The following ZNF385D variants were observed in gnomAD, a reference collection of about 807,000 sequenced individuals.
The protein encoded by ZNF385D is zinc finger protein 385D, also known as zinc finger protein 659.
Under a neutral mutation model 35.8 loss-of-function variants are expected in ZNF385D, and 15 were observed. The ratio of observed to expected loss-of-function variants is 0.42; its 90% CI spans 0.28 to 0.64. The LOEUF is 0.64. Among genes scored for constraint, ZNF385D ranks in the 30% least tolerant of loss-of-function variants. The pLI, the probability that ZNF385D is intolerant of heterozygous loss-of-function variation, is 0.23. For synonymous variants in ZNF385D, 212 were observed against 186.8 expected, an observed-to-expected ratio of 1.13 and a Z score of -1.10; for missense variants, 474 against 494.6, an observed-to-expected ratio of 0.96 and a Z score of 0.39.
chr3:22,328,455 C>A (rs1351865482), intron 2 of ZNF385D, among the ~76,000 whole-genome samples: 1 of 152,118 alleles, frequency 6.6e-6, no homozygotes, highest in Non-Finnish European at 1.5e-5. Flanking sequence ...TTTTACCTAA[C>A]TTTACATATT....
At chr3:21,743,999 A>T (rs536632376) in intron 1 of ZNF385D, among the ~76,000 whole-genome samples, 1 of 152,296 alleles carries the variant, frequency 6.6e-6, no homozygotes, top group East Asian at 1.9e-4. Flanking sequence ...TTCAAGTATT[A>T]CTGTTACAAA....
intron 1 of ZNF385D, among the ~76,000 whole-genome samples, chr3:21,748,166 A>G (rs1051219463): frequency 6.6e-6 from 1 of 152,334 alleles, no homozygotes; most frequent in South Asian, 2.1e-4. Flanking sequence ...TAAAATCTCA[A>G]TAGGAGATAA....
intron 3 of ZNF385D, among the ~76,000 whole-genome samples, chr3:22,111,152 ATTTTTTTTTTTTTT>A (rs61708178): frequency 1.4e-5 from 1 of 68,974 alleles, no homozygotes; most frequent in Admixed American, 1.8e-4. Context: ...TCCATGTTGG[ATTTTTTTTTTTTTT>A]TTTTTTTTTT....
chr3:22,332,333 T>A (rs1381940743), intron 2 of ZNF385D, among the ~76,000 whole-genome samples: 1 of 152,192 alleles, frequency 6.6e-6, no homozygotes, highest in East Asian at 1.9e-4. Flanking sequence ...TTCACCCAGA[T>A]GGCCTCAAAG....
At chr3:22,118,170 G>C (rs551012186) in intron 3 of ZNF385D, among the ~76,000 whole-genome samples, 25 of 152,128 alleles carry the variant, frequency 1.6e-4, no homozygotes, top group Admixed American at 9.2e-4. Flanking sequence ...ATAGAATTGT[G>C]AACTATGGAA....
At chr3:22,258,557 A>C (rs1367253677) in intron 2 of ZNF385D, among the ~76,000 whole-genome samples, 2 of 151,632 alleles carry the variant, frequency 1.3e-5, no homozygotes, top group Non-Finnish European at 3.0e-5. Flanking sequence ...AACTTGTAAT[A>C]GTCTCCCAAA....
At chr3:21,632,974 T>G (rs1302882104) in intron 2 of ZNF385D, among the ~76,000 whole-genome samples, 2 of 152,138 alleles carry the variant, frequency 1.3e-5, no homozygotes, top group Non-Finnish European at 2.9e-5. Context: ...ATCCATTTAC[T>G]CTAATACATT....
At chr3:21,672,805 C>T (rs541336958) in intron 1 of ZNF385D, among the ~76,000 whole-genome samples, 19 of 152,196 alleles carry the variant, frequency 1.2e-4, no homozygotes, top group Admixed American at 4.6e-4. Context: ...TGATAATTAT[C>T]CAGTTGCCAA....
rs1700541232 is a variant in ZNF385D at position 21,414,924 on chromosome 3, C to T, written c.*6290G>A. ...ATCTCTACTAATGTTAGCATAACAT[C>T]ATAAGAGACATAAAGCATCTCACGA... is the stretch of plus-strand genomic sequence containing the variant. On this transcript the variant is annotated 3_prime_UTR_variant, in exon 8 of 8. Transcript: ENST00000281523. 1.3e-5 allele frequency: 2 copies of T among 152,024 alleles called. No homozygotes were observed. The highest frequency in any genetic ancestry group is 6.6e-5 in the Admixed American group (1 of 15,256). The allele number at this position is 152,024 out of a possible 1,614,324, so 9.4% of individuals were successfully genotyped here. A position where few individuals can be genotyped will look rare whatever the true frequency, so the allele number is the denominator to read the frequency against.
chr3:22,062,393 A>T (rs1028278609), intron 3 of ZNF385D, among the ~76,000 whole-genome samples: 18 of 152,128 alleles, frequency 1.2e-4, no homozygotes, highest in Admixed American at 3.9e-4. Context: ...TTCTAAGTGG[A>T]AGAATTAACA....
intron 2 of ZNF385D, among the ~76,000 whole-genome samples, chr3:22,291,733 C>G (rs545292422): frequency 3.9e-5 from 6 of 151,922 alleles, no homozygotes; most frequent in African/African-American, 1.4e-4. Flanking sequence ...ACTAGAGATA[C>G]CATAATGTGA....
chr3:21,946,441 A>G (rs1701788348), intron 3 of ZNF385D, among the ~76,000 whole-genome samples: 1 of 145,836 alleles, frequency 6.9e-6, no homozygotes, highest in Admixed American at 7.4e-5. Context: ...TTTTAAAGAT[A>G]AAAAGTTTTT....
chr3:22,119,297 T>C (rs1211263944), intron 3 of ZNF385D, among the ~76,000 whole-genome samples: 1 of 152,142 alleles, frequency 6.6e-6, no homozygotes, highest in Non-Finnish European at 1.5e-5. Flanking sequence ...AAATGTTAAA[T>C]AAAAATACAA....
chr3:21,911,388 C>T (rs1021955060), intron 3 of ZNF385D, among the ~76,000 whole-genome samples: 2 of 151,802 alleles, frequency 1.3e-5, no homozygotes, highest in Admixed American at 6.6e-5. Context: ...ACAATATGCC[C>T]ACTGTGACAA....
chr3:21,903,920 T>G (rs1699541320), intron 3 of ZNF385D, among the ~76,000 whole-genome samples: 1 of 152,140 alleles, frequency 6.6e-6, no homozygotes, highest in African/African-American at 2.4e-5. Context: ...CTGGAATTTG[T>G]TTTTTTCTTT....
At chr3:21,774,501 G>A (rs925277985) in intron 3 of ZNF385D, among the ~76,000 whole-genome samples, 7 of 151,876 alleles carry the variant, frequency 4.6e-5, no homozygotes, top group African/African-American at 1.7e-4. Context: ...GGAGGCCAAT[G>A]GGATGCTCTG....
chr3:22,201,747 G>C (rs1175400620), intron 2 of ZNF385D, among the ~76,000 whole-genome samples: 1 of 151,858 alleles, frequency 6.6e-6, no homozygotes, highest in African/African-American at 2.4e-5. Flanking sequence ...ATGCAGGAAG[G>C]CATGGTAAGT....
intron 3 of ZNF385D, among the ~76,000 whole-genome samples, chr3:22,077,481 T>C (rs1161308771): frequency 6.6e-6 from 1 of 152,010 alleles, no homozygotes; most frequent in Non-Finnish European, 1.5e-5. Flanking sequence ...ACAACTAAAA[T>C]AGGCAAGATT....
intron 3 of ZNF385D, among the ~76,000 whole-genome samples, chr3:22,078,000 A>G (rs1229869283): frequency 6.6e-6 from 1 of 152,030 alleles, no homozygotes; most frequent in Non-Finnish European, 1.5e-5. Flanking sequence ...TGGGTTGGCC[A>G]AATAAAGATC....
Sources: gnomAD v4.1 joint callset for allele counts (sites outside exome capture counted in the v4.1 genomes callset) on GRCh38, gnomAD v4.1.1 for gene constraint, MANE v1.5 for transcripts, NCBI Gene and HGNC (gene_info 2026-07-23, HGNC 2026-07-21) for gene names.